ACYP2: variants seen among roughly 807,000 people sequenced by gnomAD.
ACYP2 encodes the protein acylphosphatase 2, also known as acylphosphatase-2.
Under a neutral mutation model 11.2 loss-of-function variants are expected in ACYP2, and 12 were observed. The ratio of observed to expected loss-of-function variants is 1.08; its 90% confidence interval spans 0.69 to 1.74. The LOEUF (loss-of-function observed/expected upper bound fraction) is 1.74. Ranked by LOEUF, ACYP2 falls within the 40% of genes most tolerant of loss-of-function variation. The pLI is 0.00. For synonymous variants in ACYP2, 43 were observed against 32.2 expected, an observed-to-expected ratio of 1.33 and a Z score of -1.13; for missense variants, 134 against 101.9, an observed-to-expected ratio of 1.31 and a Z score of -1.35.
intron 2 of ACYP2, chr2:54,029,464 T>C (rs144096841): frequency 1.1e-4 from 34 of 321,040 alleles, no homozygotes; most frequent in Middle Eastern, 1.1e-3. Context: ...TACACACACA[T>C]ATATGTGTAT....
In ACYP2 at chr2:54,077,472, G is replaced by C. The variant is rs796745656; in HGVS notation, c.277+20112G>C. Among the ~76,000 whole-genome samples, 6 of 152,284 alleles carry C rather than the reference G, an allele frequency of 3.9e-5. 1 individual carries two copies. The highest frequency in any genetic ancestry group is 1.4e-4 in the African/African-American group (6 of 41,554). On this transcript the variant is annotated intron_variant, in intron 4 of 6. Coordinates refer to ENST00000607452, the MANE Select transcript of ACYP2 (RefSeq NM_001320586.2). ...TGCTAACTCAGAGCTAGTGATAAAG[G>C]TTAAAAAATTATCAGTGCATGCAGT...
intron 4 of ACYP2, among the ~76,000 whole-genome samples, chr2:54,070,602 C>A (rs1676985266): frequency 6.6e-6 from 1 of 152,170 alleles, no homozygotes; most frequent in Non-Finnish European, 1.5e-5. Flanking sequence ...ATCACTGCAC[C>A]AATTCAGCCC....
At chr2:54,099,259 A>G (rs755130408) in intron 4 of ACYP2, among the ~76,000 whole-genome samples, 1 of 152,248 alleles carries the variant, frequency 6.6e-6, no homozygotes, top group Non-Finnish European at 1.5e-5. Context: ...CGTATGCATT[A>G]CCTCAAATAC....
intron 6 of ACYP2, among the ~76,000 whole-genome samples, chr2:54,145,285 A>G (rs1310981774): frequency 3.9e-5 from 6 of 152,212 alleles, no homozygotes; most frequent in African/African-American, 1.4e-4. Flanking sequence ...TATATTTTGG[A>G]TTGATCAGCT....
intron 6 of ACYP2, among the ~76,000 whole-genome samples, chr2:54,265,338 C>T (rs1450648958): frequency 6.6e-6 from 1 of 152,076 alleles, no homozygotes; most frequent in Non-Finnish European, 1.5e-5. Flanking sequence ...TTTTTAAAAC[C>T]ATCAGATCTT....
At chr2:54,285,821 A>C (rs905111980) in intron 6 of ACYP2, among the ~76,000 whole-genome samples, 1 of 152,154 alleles carries the variant, frequency 6.6e-6, no homozygotes, top group African/African-American at 2.4e-5. Context: ...TGCTGTCTGG[A>C]ACACAGATGT....
At chr2:54,070,910 G>A (rs1444293174) in intron 4 of ACYP2, among the ~76,000 whole-genome samples, 3 of 151,522 alleles carry the variant, frequency 2.0e-5, no homozygotes, top group African/African-American at 7.3e-5. Context: ...TTGTTTGTTT[G>A]TTTGTTTGTT....
chr2:54,209,319 A>G (rs1411197551), intron 6 of ACYP2, among the ~76,000 whole-genome samples: 1 of 152,124 alleles, frequency 6.6e-6, no homozygotes, highest in Non-Finnish European at 1.5e-5. Context: ...AAGGGGGATA[A>G]AAGTTCATGT....
intron 3 of ACYP2, chr2:54,057,134 T>TA (rs1287918192): frequency 2.5e-6 from 1 of 392,468 alleles, no homozygotes; most frequent in Non-Finnish European, 4.5e-6. Context: ...AACCATAAAT[T>TA]AGATTGTCTA....
chr2:54,278,082 A>T (rs537405627), intron 6 of ACYP2, among the ~76,000 whole-genome samples: 2 of 152,112 alleles, frequency 1.3e-5, no homozygotes, highest in African/African-American at 4.8e-5. Context: ...GGTTCATGCC[A>T]TTCTCCCGCC....
intron 6 of ACYP2, among the ~76,000 whole-genome samples, chr2:54,177,901 C>CTTT (rs1241070377): frequency 2.4e-5 from 3 of 124,060 alleles, no homozygotes; most frequent in African/African-American, 7.6e-5. Flanking sequence ...TTCTTTCTTT[C>CTTT]TTTATTTTTT....
chr2:54,046,776 T>A (rs1281295593), intron 2 of ACYP2, among the ~76,000 whole-genome samples: 1 of 152,148 alleles, frequency 6.6e-6, no homozygotes, highest in African/African-American at 2.4e-5. Context: ...CTTGAAATTA[T>A]TAATAATTTT....
chr2:54,141,458 A>T (rs1681594733), intron 6 of ACYP2, among the ~76,000 whole-genome samples: 1 of 152,192 alleles, frequency 6.6e-6, no homozygotes. Flanking sequence ...TATTGGACCA[A>T]CTATTTTCTA....
At chr2:54,058,708 A>AT (rs1328275530) in intron 4 of ACYP2, among the ~76,000 whole-genome samples, 3 of 124,588 alleles carry the variant, frequency 2.4e-5, no homozygotes, top group South Asian at 3.1e-4. Context: ...TCTGGCTGAT[A>AT]ATTTTTTTTT....
chr2:54,304,544 C>G, intron 6 of ACYP2, 144 bp from the exon 4 acceptor site: 1 of 572,678 alleles, frequency 1.7e-6, no homozygotes, highest in Non-Finnish European at 3.1e-6. Context: ...GTGATATATA[C>G]AATGTAAACA....
intron 6 of ACYP2, among the ~76,000 whole-genome samples, chr2:54,297,792 G>T (rs1406396553): frequency 6.6e-6 from 1 of 152,024 alleles, no homozygotes; most frequent in South Asian, 2.1e-4. Context: ...AAATATACAG[G>T]ACCTGAATTA....
At chr2:54,260,842 A>G (rs937320720) in intron 6 of ACYP2, among the ~76,000 whole-genome samples, 3 of 151,872 alleles carry the variant, frequency 2.0e-5, no homozygotes, top group African/African-American at 7.3e-5. Flanking sequence ...GAAATCACTG[A>G]GAGATAAGAC....
intron 2 of ACYP2, among the ~76,000 whole-genome samples, chr2:54,030,248 C>A (rs554964925): frequency 1.1e-3 from 169 of 152,270 alleles, no homozygotes; most frequent in Non-Finnish European, 2.1e-4. Flanking sequence ...TGGCGAGCTG[C>A]CTTAGACTCT....
chr2:54,086,918 T>C (rs1677977719), intron 4 of ACYP2, among the ~76,000 whole-genome samples: 1 of 152,232 alleles, frequency 6.6e-6, no homozygotes, highest in Admixed American at 6.5e-5. Flanking sequence ...GTAAATGGTT[T>C]AGCACAGGAT....
Sources: allele counts gnomAD v4.1 joint callset (sites outside exome capture counted in the v4.1 genomes callset), GRCh38; gene constraint gnomAD v4.1.1; transcripts MANE v1.5; gene names NCBI Gene and HGNC (gene_info 2026-07-23, HGNC 2026-07-21).